Variants in SLCO1A2 observed in about 807,000 individuals in gnomAD.
SLCO1A2 encodes the protein solute carrier organic anion transporter family member 1A2.
In SLCO1A2, 67 loss-of-function variants were observed where a neutral mutation model predicts 69.0. The observed-to-expected ratio is 0.97, with a 90% CI of 0.80 to 1.19. SLCO1A2 has a LOEUF of 1.19. SLCO1A2 is among the 50% of genes most tolerant of loss of function. SLCO1A2 has a pLI of 0.00. For synonymous variants in SLCO1A2, 260 were observed against 265.9 expected (o/e 0.98, Z 0.22); for missense variants, 787 against 793.7 (o/e 0.99, Z 0.10).
At chr12:21,397,382 A>C (rs1471219579), upstream of SLCO1A2, among the ~76,000 whole-genome samples, 1 of 152,180 alleles carries the variant, frequency 6.6e-6, no homozygotes, top group Non-Finnish European at 1.5e-5. Context: ...GCAAGTCCTG[A>C]GTGACCTACA....
At position 21,266,182 on chromosome 12, in the gene SLCO1A2, AC is replaced by A. The variant is rs1372890923; in HGVS notation, c.*3365del. The A allele has an allele frequency of 6.6e-6, 1 of 152,182 alleles. No homozygotes were observed. The highest frequency in any genetic ancestry group is 1.5e-5 in the Non-Finnish European group (1 of 68,048). 9.4% of individuals were successfully genotyped at this position (152,182 alleles called of 1,614,324 possible). ...GGTTACATAACATTCTGGTTACATA[AC>A]ATTTCAAGCTTTTGGTTACAAAACA... On this transcript the variant is annotated 3_prime_UTR_variant, in exon 15 of 15. Coordinates refer to ENST00000683939, the MANE Select transcript of SLCO1A2 (RefSeq NM_001386879.1).
chr12:21,395,646 G>A (rs1028552129), upstream of SLCO1A2, among the ~76,000 whole-genome samples: 1 of 152,226 alleles, frequency 6.6e-6, no homozygotes, highest in South Asian at 2.1e-4. Flanking sequence ...GAAGAGAGCA[G>A]TGGGTCTCCC....
chr12:21,341,072 G>T (rs1364878426), intron 2 of SLCO1A2, among the ~76,000 whole-genome samples: 3 of 151,884 alleles, frequency 2.0e-5, no homozygotes, highest in African/African-American at 7.3e-5. Flanking sequence ...CAACTTTAAA[G>T]ATGTAAAAAT....
At chr12:21,411,178 TA>T (rs1384164071) in intron 1 of SLCO1A2, among the ~76,000 whole-genome samples, 1 of 152,236 alleles carries the variant, frequency 6.6e-6, no homozygotes, top group African/African-American at 2.4e-5. Context: ...GTTTATTTGT[TA>T]CTGGTTTAAG....
At chr12:21,302,287 T>G (rs929538540) in intron 6 of SLCO1A2, among the ~76,000 whole-genome samples, 1 of 152,154 alleles carries the variant, frequency 6.6e-6, no homozygotes, top group African/African-American at 2.4e-5. Flanking sequence ...TTAGTGTCTT[T>G]TTTTGGTCTT....
chr12:21,306,736 C>A, intron 5 of SLCO1A2, 146 bp downstream of exon 5: 1 of 527,120 alleles, frequency 1.9e-6, no homozygotes, highest in Non-Finnish European at 3.4e-6. Flanking sequence ...TCTTATTGCC[C>A]ATTGTAACTC....
At chr12:21,289,160 A>C (rs908580694) in intron 12 of SLCO1A2, among the ~76,000 whole-genome samples, 16 of 148,984 alleles carry the variant, frequency 1.1e-4, no homozygotes, top group Admixed American at 2.7e-4. Context: ...TATATTGTAC[A>C]TTTGTGATGG....
intron 1 of SLCO1A2, among the ~76,000 whole-genome samples, chr12:21,390,801 A>T (rs1469817918): frequency 6.6e-6 from 1 of 152,124 alleles, no homozygotes; most frequent in African/African-American, 2.4e-5. Flanking sequence ...CATAGCATAT[A>T]AAAAAATGAG....
chr12:21,361,199 G>A (rs1938841563), intron 2 of SLCO1A2, among the ~76,000 whole-genome samples: 1 of 152,172 alleles, frequency 6.6e-6, no homozygotes, highest in African/African-American at 2.4e-5. Flanking sequence ...CCAGAGGAAG[G>A]ATCAGACAGC....
Position 21,309,520 on chromosome 12 carries a change from T to C in SLCO1A2, c.336-2532A>G, listed in dbSNP as rs921255773. On this transcript the variant is annotated intron_variant, in intron 4 of 14. Transcript: ENST00000683939. ...AAGTGTTAGATAGAGCTAGAAAACA[T>C]TGGGGGAAATGTCTTCAAAATCCCT... is the stretch of plus-strand genomic sequence containing the variant. 2.6e-5 allele frequency among the ~76,000 whole-genome samples: 4 copies of C among 152,232 alleles called. No homozygotes were observed. The East Asian group carries it at 5.8e-4, about 22-fold the overall frequency.
At chr12:21,336,750 C>T (rs1413193754), upstream of SLCO1A2, among the ~76,000 whole-genome samples, 1 of 151,946 alleles carries the variant, frequency 6.6e-6, no homozygotes, top group Non-Finnish European at 1.5e-5. Context: ...TTCCGTGTGC[C>T]GTCTTTTCAT....
At chr12:21,394,673 C>T (rs189491523) in intron 1 of SLCO1A2, among the ~76,000 whole-genome samples, 115 of 152,078 alleles carry the variant, frequency 7.6e-4, no homozygotes, top group African/African-American at 2.5e-3. Context: ...ACGGCCACCT[C>T]CACAAAATCT....
intron 13 of SLCO1A2, 82 bp downstream of exon 13, chr12:21,275,278 T>A: frequency 7.9e-7 from 1 of 1,271,558 alleles, no homozygotes; most frequent in Non-Finnish European, 1.1e-6. Flanking sequence ...TGTGCACATG[T>A]ACCCTAAAAC....
At chr12:21,323,207 T>C (rs1424002785) in intron 2 of SLCO1A2, among the ~76,000 whole-genome samples, 5 of 152,228 alleles carry the variant, frequency 3.3e-5, no homozygotes, top group South Asian at 2.1e-4. Context: ...GTTTTAGTTA[T>C]GGACTTATAG....
chr12:21,338,902 T>G (rs986207755), upstream of SLCO1A2, among the ~76,000 whole-genome samples: 28 of 152,076 alleles, frequency 1.8e-4, no homozygotes, highest in Middle Eastern at 3.4e-3. Flanking sequence ...TCACATAAAT[T>G]TATGTAGGGA....
At chr12:21,378,378 T>G (rs774123108) in intron 1 of SLCO1A2, 1 of 1,614,188 alleles carries the variant, frequency 6.2e-7, no homozygotes, top group Non-Finnish European at 8.5e-7. Context: ...GCAAGAGGAA[T>G]GCAGTAGAGG....
chr12:21,366,751 A>C (rs34057845), intron 2 of SLCO1A2, among the ~76,000 whole-genome samples: 13,792 of 151,946 alleles, frequency 0.091, 1,024 homozygotes, highest in East Asian at 0.4. Flanking sequence ...TCAGAAAGCA[A>C]GATCTCTTGA....
At chr12:21,312,435 C>G (rs1035123585) in intron 4 of SLCO1A2, among the ~76,000 whole-genome samples, 2 of 152,152 alleles carry the variant, frequency 1.3e-5, no homozygotes, top group Non-Finnish European at 2.9e-5. Flanking sequence ...AGCAATAACA[C>G]TGTTTCACTT....
chr12:21,396,529 A>G (rs1393860459), upstream of SLCO1A2, among the ~76,000 whole-genome samples: 9 of 150,520 alleles, frequency 6.0e-5, no homozygotes, highest in Non-Finnish European at 1.2e-4. Context: ...GAACGCCACA[A>G]AGATACTCCT....
Sources: allele counts gnomAD v4.1 joint callset (sites outside exome capture counted in the v4.1 genomes callset), GRCh38; gene constraint gnomAD v4.1.1; transcripts MANE v1.5; gene names NCBI Gene and HGNC (gene_info 2026-07-23, HGNC 2026-07-21).